SAMD9L: variants seen among roughly 807,000 people sequenced by gnomAD.
The protein encoded by SAMD9L is sterile alpha motif domain-containing protein 9-like.
In SAMD9L, 68 loss-of-function variants were observed where a neutral mutation model predicts 90.7. The observed-to-expected ratio is 0.75, with a 90% CI of 0.62 to 0.92. The LOEUF is 0.92. Ranked by LOEUF, SAMD9L falls within the 40% of genes least tolerant of loss-of-function variation. The pLI, the probability that SAMD9L is intolerant of heterozygous loss-of-function variation, is 0.00. For synonymous variants in SAMD9L, 640 were observed against 630.1 expected (o/e 1.02, Z -0.23); for missense variants, 1,604 against 1,824.3 (o/e 0.88, Z 2.20).
At position 93,131,064 on chromosome 7, in the gene SAMD9L, T is replaced by A; in HGVS notation, c.*153A>T. 3.8e-6 allele frequency: 2 copies of A among 525,418 alleles called. No homozygotes were observed. Among genetic ancestry groups the A allele is most frequent in the South Asian group, 3.3e-5 (1 of 30,290 alleles). 32.5% of individuals were successfully genotyped at this position (525,418 alleles called of 1,614,324 possible). Reference sequence around the variant, plus strand: ...TCTGCGGGTAGGCATATTTCATATCTTAAAAAGGCTTGTAATTCATTCAGG... The same window carrying A: ...TCTGCGGGTAGGCATATTTCATATCATAAAAAGGCTTGTAATTCATTCAGG... On this transcript the variant is annotated 3_prime_UTR_variant, in exon 5 of 5. Transcript: ENST00000318238.
intron 4 of SAMD9L, among the ~76,000 whole-genome samples, chr7:93,140,609 T>C (rs1464586738): frequency 6.6e-6 from 1 of 152,244 alleles, no homozygotes; most frequent in Non-Finnish European, 1.5e-5. Context: ...GTTTCCCATT[T>C]AAACCGGCAG....
chr7:93,137,237 A>T (rs1241787706), intron 4 of SAMD9L, among the ~76,000 whole-genome samples: 2 of 152,204 alleles, frequency 1.3e-5, no homozygotes, highest in Non-Finnish European at 2.9e-5. Context: ...GCAAGAGGTG[A>T]CTGGCTGATG....
At position 93,135,009 on chromosome 7, in the gene SAMD9L, G is replaced by A. The variant is rs781121783; in HGVS notation, c.963C>T (p.Phe321=). 7.4e-6 allele frequency: 12 copies of A among 1,612,644 alleles called. No homozygotes were observed. The highest frequency in any genetic ancestry group is 1.0e-5 in the Non-Finnish European group (12 of 1,178,774). Reference sequence around the variant, plus strand: ...CTTTACAAATTTGCATCTGAATGTAGAAATACTTATCATTACATATAGAGT... The same window carrying A: ...CTTTACAAATTTGCATCTGAATGTAAAAATACTTATCATTACATATAGAGT... The part of the protein sequence containing the change: ...PKHSICNDKY[F]YIQMQICKDK... The change falls in exon 5 of 5, where the codon TTC becomes TTT. Residue 321 remains phenylalanine (F), a synonymous_variant. Coordinates refer to ENST00000318238, the MANE Select transcript of SAMD9L (RefSeq NM_152703.5).
Position 93,131,381 on chromosome 7 carries a change from C to T in SAMD9L, c.4591G>A (p.Gly1531Ser). The T allele has an allele frequency of 6.2e-7, 1 of 1,613,628 alleles. No individual in the cohort carries two copies. Among genetic ancestry groups the T allele is most frequent in the Non-Finnish European group, 8.5e-7 (1 of 1,179,812 alleles). The change falls in exon 5 of 5, where the codon GGC becomes AGC. Residue 1531 changes from glycine to serine, a missense_variant. Gly to Ser is a moderately conservative substitution (Grantham distance 56). Transcript: ENST00000318238. ...LLRRLTGQAEGKLISVEYGTE... is the reference protein window; with the variant it reads ...LLRRLTGQAESKLISVEYGTE... Reference sequence around the variant, plus strand: ...CCATATTCTACAGAGATTAGCTTGCCTTCAGCCTGACCAGTTAGACGACGC... The same window carrying T: ...CCATATTCTACAGAGATTAGCTTGCTTTCAGCCTGACCAGTTAGACGACGC...
At position 93,132,449 on chromosome 7, in the gene SAMD9L, A is replaced by C; in HGVS notation, c.3523T>G (p.Tyr1175Asp). The C allele has an allele frequency of 6.2e-7, 1 of 1,613,492 alleles. No homozygotes were observed. Among genetic ancestry groups the C allele is most frequent in the Non-Finnish European group, 8.5e-7 (1 of 1,179,748 alleles). Reference sequence around the variant, plus strand: ...TGTGGTGACCAGTTCTCGGTTTCATAGTTTTTACTATCAGTTTGCCTTTGG... The same window carrying C: ...TGTGGTGACCAGTTCTCGGTTTCATCGTTTTTACTATCAGTTTGCCTTTGG... Reference protein sequence around the residue: ...ESQRQTDSKNYETENWSPQKS... With the variant: ...ESQRQTDSKNDETENWSPQKS... Residue 1175 changes from tyrosine to aspartate, a missense_variant, in exon 5 of 5, where the codon TAT becomes GAT. Tyr to Asp is a radical substitution (Grantham distance 160). This residue lies in a region of SAMD9L where 302 missense variants were observed against 314.7 expected (regional missense o/e 0.96). Coordinates refer to ENST00000318238, the MANE Select transcript of SAMD9L (RefSeq NM_152703.5).
At position 93,133,460 on chromosome 7, in the gene SAMD9L, T is replaced by A. The variant is rs200482827; in HGVS notation, c.2512A>T (p.Asn838Tyr). ...RYEKTLVIIL[N>Y]CMRSRNPDES... ...TCTGGATTCCGGGATCTCATGCAGT[T>A]TAAGATAATTACCAATGTTTTTTCA... is the stretch of plus-strand genomic sequence containing the variant. The change falls in exon 5 of 5, where the codon AAC becomes TAC. Residue 838 changes from asparagine to tyrosine, a missense_variant. Physicochemically the swap from Asn to Tyr is moderately radical, Grantham distance 143. Transcript: ENST00000318238. 43 of 1,612,982 alleles carry A rather than the reference T, an allele frequency of 2.7e-5. 2 individuals carry two copies. The South Asian group carries it at 4.3e-4, about 16-fold the overall frequency.
At chr7:93,138,721 C>T (rs1356517027) in intron 4 of SAMD9L, among the ~76,000 whole-genome samples, 2 of 152,096 alleles carry the variant, frequency 1.3e-5, no homozygotes, top group Non-Finnish European at 2.9e-5. Flanking sequence ...TGGGCAGCTC[C>T]TACTCTTGCA....
At chr7:93,138,277 G>A (rs1792536772) in intron 4 of SAMD9L, among the ~76,000 whole-genome samples, 1 of 152,146 alleles carries the variant, frequency 6.6e-6, no homozygotes, top group Non-Finnish European at 1.5e-5. Flanking sequence ...TTTATCTTAA[G>A]TAGTGTCATC....
At chr7:93,138,394 T>G (rs1214671624) in intron 4 of SAMD9L, among the ~76,000 whole-genome samples, 2 of 151,920 alleles carry the variant, frequency 1.3e-5, no homozygotes, top group Non-Finnish European at 2.9e-5. Flanking sequence ...TTCATGACAT[T>G]TATTGTCCAT....
Position 93,133,809 on chromosome 7 carries a change from T to A in SAMD9L, c.2163A>T (p.Leu721Phe). The change falls in exon 5 of 5, where the codon TTA becomes TTT. Residue 721 changes from leucine to phenylalanine, a missense_variant. By Grantham distance (22) the Leu-to-Phe change is conservative. Coordinates refer to ENST00000318238, the MANE Select transcript of SAMD9L (RefSeq NM_152703.5). ...TAGGAGACTCTGCCCAGCAGTGTAT[T>A]AAATCTTTAAGCTTTTCATAACTGT... ...KRDSYEKLKD[L>F]IHCWAESPKP... The A allele has an allele frequency of 6.2e-7, 1 of 1,613,670 alleles. No homozygotes were observed. The highest frequency in any genetic ancestry group is 8.5e-7 in the Non-Finnish European group (1 of 1,179,834).
Position 93,134,202 on chromosome 7 carries a change from C to T in SAMD9L, c.1770G>A (p.Trp590Ter). The T allele has an allele frequency of 1.2e-6, 2 of 1,613,078 alleles. No homozygotes were observed. Among genetic ancestry groups the T allele is most frequent in the Non-Finnish European group, 1.7e-6 (2 of 1,179,486 alleles). ...ISVNSHIYQR[W>*]KDLLQTRMKM... ...TCATTCTTGTTTGTAGTAGATCTTT[C>T]CATCGTTGATAAATATGTGAGTTTA... Residue 590 changes from tryptophan to a stop codon, truncating the protein, a stop_gained, in exon 5 of 5, where the codon TGG (tryptophan) becomes TGA (stop). Coordinates refer to ENST00000318238, the MANE Select transcript of SAMD9L (RefSeq NM_152703.5). LOFTEE classifies it high-confidence loss of function.
rs1792975902 is a variant in SAMD9L, at chr7:93,148,340, T to A, written c.-1189A>T. 6.6e-6 allele frequency: 1 copy of A among 152,160 alleles called. No homozygotes were observed. The highest frequency in any genetic ancestry group is 1.5e-5 in the Non-Finnish European group (1 of 68,034). 9.4% of individuals were successfully genotyped at this position (152,160 alleles called of 1,614,324 possible). ...AAAACTGAGGCATTAAATTGTGAAG[T>A]CTTCTGTTCTCCCAGTACTCTGACT... On this transcript the variant is annotated 5_prime_UTR_variant, in exon 1 of 5. Coordinates refer to ENST00000318238, the MANE Select transcript of SAMD9L (RefSeq NM_152703.5).
Position 93,132,467 on chromosome 7 carries a change from G to A in SAMD9L, c.3505C>T (p.Gln1169Ter). ...ASRAFKESQR[Q>*]TDSKNYETEN... ...GTTTCATAGTTTTTACTATCAGTTT[G>A]CCTTTGGGATTCTTTGAAAGCTCTT... Residue 1169 changes from glutamine (Q) to a stop codon, truncating the protein, a stop_gained, in exon 5 of 5, where the codon CAA (glutamine) becomes TAA (stop). Coordinates refer to ENST00000318238, the MANE Select transcript of SAMD9L (RefSeq NM_152703.5). LOFTEE classifies it high-confidence loss of function. 4.3e-6 allele frequency: 7 copies of A among 1,613,694 alleles called. No individual in the cohort carries two copies. The highest frequency in any genetic ancestry group is 5.9e-6 in the Non-Finnish European group (7 of 1,179,798).
In SAMD9L at chr7:93,133,404, T is replaced by G. The variant is rs1267405765; in HGVS notation, c.2568A>C (p.Ala856=). The change falls in exon 5 of 5, where the codon GCA becomes GCC. Residue 856 remains alanine, a synonymous_variant. Transcript: ENST00000318238. ...CCTTGGAAGAAAGTTGGTAATTTAG[T>G]GCAATACTGTCTGCCAATTTTGCAC... The part of the protein sequence containing the change: ...DESAKLADSI[A]LNYQLSSKEQ... 2 of 1,613,728 alleles carry G rather than the reference T, an allele frequency of 1.2e-6. No individual in the cohort carries two copies. Among genetic ancestry groups the G allele is most frequent in the Non-Finnish European group, 8.5e-7 (1 of 1,179,666 alleles).
intron 4 of SAMD9L, among the ~76,000 whole-genome samples, chr7:93,142,310 A>G (rs923641356): frequency 6.6e-6 from 1 of 152,202 alleles, no homozygotes; most frequent in African/African-American, 2.4e-5. Context: ...CCTGTCATTC[A>G]TGCATGAATC....
chr7:93,141,048 C>A (rs1786006288), intron 4 of SAMD9L, among the ~76,000 whole-genome samples: 1 of 152,266 alleles, frequency 6.6e-6, no homozygotes, highest in Non-Finnish European at 1.5e-5. Context: ...CCTCACTCCT[C>A]CACTAAAATT....
Position 93,135,126 on chromosome 7 carries a change from C to T in SAMD9L, c.846G>A (p.Lys282=). 7.4e-6 allele frequency: 12 copies of T among 1,612,628 alleles called. No individual in the cohort carries two copies. The highest frequency in any genetic ancestry group is 1.0e-5 in the Non-Finnish European group (12 of 1,179,964). ...CCACAAACCTTGGCTCCCGAATACACTTCTTGGCTTCATTGATCTCACTTT... is the reference window on the plus strand; with the variant it reads ...CCACAAACCTTGGCTCCCGAATACATTTCTTGGCTTCATTGATCTCACTTT... ...FEESEINEAK[K]CIREPRFVEV... is the part of the protein sequence containing the mutation. Residue 282 remains lysine (K), a synonymous_variant, in exon 5 of 5, where the codon AAG becomes AAA. Transcript: ENST00000318238.
At position 93,135,613 on chromosome 7, in the gene SAMD9L, T is replaced by A. The variant is rs141945092; in HGVS notation, c.359A>T (p.Asp120Val). ...ATCTCTGATCTCTCTGGGATCATAA[T>A]CAATATTAGATGACATTGAATTTTC... ...EEENSMSSNI[D>V]YDPREIRDIK... The change falls in exon 5 of 5, where the codon GAT (aspartate) becomes GTT (valine). Residue 120 changes from aspartate (D) to valine (V), a missense_variant. Transcript: ENST00000318238. The A allele has an allele frequency of 1.6e-5, 26 of 1,613,944 alleles. No homozygotes were observed. In the African/African-American group the frequency reaches 2.8e-4, roughly 17 times the overall value.
At chr7:93,138,331 C>G (rs908955215) in intron 4 of SAMD9L, among the ~76,000 whole-genome samples, 1 of 152,012 alleles carries the variant, frequency 6.6e-6, no homozygotes, top group Non-Finnish European at 1.5e-5. Context: ...CAATTATGTA[C>G]CAGGCATCAT....
Sources: gnomAD v4.1 joint callset for allele counts (sites outside exome capture counted in the v4.1 genomes callset) on GRCh38, gnomAD v4.1.1 for gene constraint, gnomAD v4.1.1 regional missense constraint, MANE v1.5 for transcripts, NCBI Gene and HGNC (gene_info 2026-07-23, HGNC 2026-07-21) for gene names.